Variants in SRBD1 observed in about 807,000 individuals in gnomAD.
SRBD1 encodes S1 RNA binding domain 1, also known as S1 RNA-binding domain-containing protein 1.
In SRBD1, 88 loss-of-function variants were observed where a neutral mutation model predicts 115.3. The ratio of observed to expected loss-of-function variants is 0.76; its 90% CI spans 0.64 to 0.91. The LOEUF is 0.91. SRBD1 is among the 40% of genes least tolerant of loss of function. The probability of loss-of-function intolerance (pLI) is 0.00; values close to 1 mark genes in which losing one functional copy is unlikely to be tolerated. For synonymous variants in SRBD1, 509 were observed against 407.7 expected (o/e 1.25, Z -2.99); for missense variants, 1,385 against 1,177.4 (o/e 1.18, Z -2.58).
chr2:45,493,786 G>A (rs188454140), intron 14 of SRBD1, among the ~76,000 whole-genome samples: 3 of 151,254 alleles, frequency 2.0e-5, no homozygotes, highest in African/African-American at 7.3e-5. Flanking sequence ...ACTCCATCCT[G>A]GGCAACAAGA....
intron 4 of SRBD1, among the ~76,000 whole-genome samples, chr2:45,586,053 C>T (rs192941695): frequency 2.6e-4 from 39 of 152,282 alleles, no homozygotes; most frequent in Admixed American, 1.8e-3. Context: ...CAATGATATA[C>T]TTTTCATCTC....
At position 45,389,592 on chromosome 2, in the gene SRBD1, AT is replaced by A; in HGVS notation, c.2705del (p.Asp902ValfsTer9). On this transcript the variant is annotated frameshift_variant, in exon 21 of 21. Coordinates refer to ENST00000263736, the MANE Select transcript of SRBD1 (RefSeq NM_018079.5). LOFTEE classifies it high-confidence loss of function. ...PESFDFRTDF[D>X]KPDFKRSIVC... ...CTATGCTTCTCTTGAAATCAGGTTT[AT>A]CAAAATCTGTAAGAGAAAAAAAGTA... is the stretch of plus-strand genomic sequence containing the variant. 1 of 1,611,396 alleles carries A rather than the reference AT, an allele frequency of 6.2e-7. No homozygotes were observed. The highest frequency in any genetic ancestry group is 8.5e-7 in the Non-Finnish European group (1 of 1,178,834).
At chr2:45,570,977 G>A (rs1177032692) in intron 9 of SRBD1, among the ~76,000 whole-genome samples, 1 of 152,094 alleles carries the variant, frequency 6.6e-6, no homozygotes, top group Non-Finnish European at 1.5e-5. Flanking sequence ...AACTAACACA[G>A]AGAACAAAAA....
chr2:45,413,187 C>T lies in SRBD1; in HGVS notation c.2440G>A (p.Val814Met), dbSNP rs762823336. 1 of 1,614,130 alleles carries T rather than the reference C, an allele frequency of 6.2e-7. No individual in the cohort carries two copies. The highest frequency in any genetic ancestry group is 2.2e-5 in the East Asian group (1 of 44,868). ...GGATTTGGCTTCAGTAAAACATTCA[C>T]TGCAGTTTTGCTCTTCTTTTTGCCC... is the stretch of plus-strand genomic sequence containing the variant. Reference protein sequence around the residue: ...KQGKKKSKTAVNVLLKPNPLD... With the variant: ...KQGKKKSKTAMNVLLKPNPLD... Residue 814 changes from valine to methionine, a missense_variant, in exon 19 of 21, where the codon GTG becomes ATG. Coordinates refer to ENST00000263736, the MANE Select transcript of SRBD1 (RefSeq NM_018079.5).
intron 14 of SRBD1, among the ~76,000 whole-genome samples, chr2:45,543,665 TA>T (rs1672018708): frequency 6.6e-6 from 1 of 152,172 alleles, no homozygotes; most frequent in Non-Finnish European, 1.5e-5. Flanking sequence ...AAAATGATAA[TA>T]AAATGAAATT....
At chr2:45,454,355 C>A (rs1669088982) in intron 16 of SRBD1, among the ~76,000 whole-genome samples, 1 of 151,696 alleles carries the variant, frequency 6.6e-6, no homozygotes, top group African/African-American at 2.4e-5. Context: ...CTATATATCA[C>A]CTTAATTTAA....
intron 16 of SRBD1, among the ~76,000 whole-genome samples, chr2:45,455,843 A>C (rs1669135375): frequency 1.3e-5 from 2 of 151,876 alleles, no homozygotes; most frequent in South Asian, 4.1e-4. Flanking sequence ...TTTCTTTCCA[A>C]AAGAGCATGT....
At chr2:45,421,363 C>T (rs753686622) in intron 16 of SRBD1, among the ~76,000 whole-genome samples, 13 of 151,542 alleles carry the variant, frequency 8.6e-5, no homozygotes, top group African/African-American at 2.2e-4. Context: ...AAAAATTAGC[C>T]GTGCGCCGTG....
intron 14 of SRBD1, among the ~76,000 whole-genome samples, chr2:45,529,204 T>A (rs1439334039): frequency 6.6e-6 from 1 of 151,942 alleles, no homozygotes; most frequent in Non-Finnish European, 1.5e-5. Context: ...GCACTAGATT[T>A]TGGAGACAAA....
At chr2:45,461,107 G>C (rs1669301495) in intron 16 of SRBD1, among the ~76,000 whole-genome samples, 1 of 152,162 alleles carries the variant, frequency 6.6e-6, no homozygotes, top group Non-Finnish European at 1.5e-5. Flanking sequence ...CCTGGACTTT[G>C]TCAACTCTCC....
intron 1 of SRBD1, among the ~76,000 whole-genome samples, chr2:45,608,436 C>G (rs897060478): frequency 1.3e-5 from 2 of 152,166 alleles, no homozygotes; most frequent in Non-Finnish European, 2.9e-5. Context: ...CAGGTACACC[C>G]CCAGGAGTAT....
chr2:45,562,512 G>A (rs566823500), intron 10 of SRBD1, 141 bp downstream of exon 10: 27 of 548,934 alleles, frequency 4.9e-5, no homozygotes, highest in Middle Eastern at 4.9e-4. Context: ...GATTACAGGC[G>A]TGAGCCACCG....
rs188213757 is a variant in SRBD1 at position 45,443,111 on chromosome 2, G to A, written c.2050-23217C>T. Among the ~76,000 whole-genome samples the A allele has an allele frequency of 9.2e-5, 14 of 152,236 alleles. No individual in the cohort carries two copies. The East Asian group carries it at 1.2e-3, about 13-fold the overall frequency. On this transcript the variant is annotated intron_variant, in intron 16 of 20. Transcript: ENST00000263736. The stretch of plus-strand genomic sequence containing the variant: ...GTTTGAATTTTATTCCAGAGACAAC[G>A]GGAACAGAGATGGGATCTGACATAC...
At chr2:45,490,988 A>G (rs570152190) in intron 14 of SRBD1, among the ~76,000 whole-genome samples, 11 of 152,312 alleles carry the variant, frequency 7.2e-5, no homozygotes, top group African/African-American at 2.4e-4. Flanking sequence ...AATGCACAGA[A>G]AAACCTCAAC....
intron 10 of SRBD1, among the ~76,000 whole-genome samples, chr2:45,562,181 T>G (rs17033880): frequency 0.16 from 24,133 of 152,106 alleles, 4,530 homozygotes; most frequent in African/African-American, 0.46. Flanking sequence ...TTTTTTTAAT[T>G]CAAAAAGGAC....
intron 4 of SRBD1, among the ~76,000 whole-genome samples, chr2:45,598,065 GC>G (rs1383156250): frequency 2.0e-5 from 3 of 152,194 alleles, no homozygotes; most frequent in Non-Finnish European, 2.9e-5. Flanking sequence ...GCCTCTGTAG[GC>G]CTGGTCTGGA....
At chr2:45,402,631 T>C (rs1280776333) in intron 19 of SRBD1, among the ~76,000 whole-genome samples, 1 of 152,220 alleles carries the variant, frequency 6.6e-6, no homozygotes, top group Non-Finnish European at 1.5e-5. Context: ...AAATACTAGC[T>C]AATGCTTTAT....
intron 11 of SRBD1, among the ~76,000 whole-genome samples, chr2:45,552,802 C>A (rs937881886): frequency 6.6e-6 from 1 of 152,094 alleles, no homozygotes; most frequent in African/African-American, 2.4e-5. Context: ...GACTATGTGT[C>A]TTTTTTAATA....
intron 14 of SRBD1, among the ~76,000 whole-genome samples, chr2:45,524,757 T>C (rs1326837690): frequency 6.6e-6 from 1 of 152,046 alleles, no homozygotes; most frequent in East Asian, 1.9e-4. Flanking sequence ...GGCCATCAGA[T>C]TTCCAGTTGA....
Sources: allele counts gnomAD v4.1 joint callset (sites outside exome capture counted in the v4.1 genomes callset), GRCh38; gene constraint gnomAD v4.1.1; transcripts MANE v1.5; gene names NCBI Gene and HGNC (gene_info 2026-07-23, HGNC 2026-07-21).